The following DNM3 variants were observed in gnomAD, a reference collection of about 807,000 sequenced individuals.
DNM3 encodes the protein dynamin 3.
A neutral mutation model predicts 101.6 loss-of-function variants in DNM3; 47 were observed. The ratio of observed to expected loss-of-function variants is 0.46; its 90% CI spans 0.37 to 0.59. DNM3 has a LOEUF of 0.59. Ranked by LOEUF, DNM3 falls within the 20% of genes least tolerant of loss-of-function variation. The pLI, the probability that DNM3 is intolerant of heterozygous loss-of-function variation, is 0.00. For missense variants in DNM3, 849 were observed against 1,085.7 expected, an observed-to-expected ratio of 0.78 and a Z score of 3.06; for synonymous variants, 385 against 387.9, an observed-to-expected ratio of 0.99 and a Z score of 0.09.
intron 17 of DNM3, among the ~76,000 whole-genome samples, chr1:172,374,660 C>A (rs2068511453): frequency 6.6e-6 from 1 of 151,992 alleles, no homozygotes; most frequent in African/African-American, 2.4e-5. Context: ...CAACTGCATA[C>A]CTATGCTATT....
intron 13 of DNM3, among the ~76,000 whole-genome samples, chr1:172,126,720 T>A (rs1045669679): frequency 2.7e-5 from 4 of 145,584 alleles, no homozygotes; most frequent in Non-Finnish European, 6.0e-5. Context: ...GGTACCTGCT[T>A]TTTTTTTTTG....
chr1:172,249,903 C>T (rs1557880834), intron 14 of DNM3, among the ~76,000 whole-genome samples: 2 of 151,878 alleles, frequency 1.3e-5, no homozygotes, highest in African/African-American at 4.8e-5. Context: ...TAGAGCAAGC[C>T]AGGGAATAAT....
chr1:172,048,397 T>A (rs756020922), intron 9 of DNM3, among the ~76,000 whole-genome samples: 5 of 152,264 alleles, frequency 3.3e-5, no homozygotes, highest in Non-Finnish European at 7.3e-5. Context: ...TTCTTTTTAT[T>A]GCTGCGAAAC....
At chr1:172,073,629 A>T (rs769126064) in intron 11 of DNM3, among the ~76,000 whole-genome samples, 4 of 152,210 alleles carry the variant, frequency 2.6e-5, no homozygotes, top group Non-Finnish European at 5.9e-5. Flanking sequence ...AACTGTTGCC[A>T]TGAGGACTCT....
chr1:172,342,008 A>G (rs922567805), intron 17 of DNM3, among the ~76,000 whole-genome samples: 9 of 152,184 alleles, frequency 5.9e-5, no homozygotes, highest in Non-Finnish European at 1.0e-4. Flanking sequence ...AAAATGTTCA[A>G]CATCACTAAT....
chr1:172,277,474 G>A (rs542456383), intron 15 of DNM3, among the ~76,000 whole-genome samples: 1 of 152,038 alleles, frequency 6.6e-6, no homozygotes, highest in Non-Finnish European at 1.5e-5. Context: ...CAAAGGCAGT[G>A]AGTGTAGGAG....
chr1:172,000,704 T>C (rs1442662077), intron 4 of DNM3, among the ~76,000 whole-genome samples: 2 of 152,038 alleles, frequency 1.3e-5, no homozygotes, highest in African/African-American at 4.8e-5. Context: ...GAACTGACCA[T>C]TGGATCTGGC....
chr1:171,937,382 G>C (rs1437379056), intron 2 of DNM3, among the ~76,000 whole-genome samples: 2 of 151,616 alleles, frequency 1.3e-5, no homozygotes, highest in Non-Finnish European at 2.9e-5. Context: ...CTTCACTGCT[G>C]GTTCCCTATT....
chr1:172,411,061 G>A lies in DNM3; in HGVS notation c.*3220G>A, dbSNP rs955774693. 4.5e-5 allele frequency: 44 copies of A among 985,198 alleles called. No individual in the cohort carries two copies. Among genetic ancestry groups the A allele is most frequent in the Non-Finnish European group, 5.3e-5 (44 of 829,772 alleles). The allele number at this position is 985,198 out of a possible 1,614,324, so 61.0% of individuals were successfully genotyped here. The stretch of plus-strand genomic sequence containing the variant: ...ACTAGTTAAAATGCCACAAGCATGA[G>A]TGTGATTGTATGTGCACTGTGTGTA... On this transcript the variant is annotated 3_prime_UTR_variant, in exon 21 of 21. Transcript: ENST00000627582.
chr1:171,846,180 T>C (rs2032062203), intron 1 of DNM3, among the ~76,000 whole-genome samples: 1 of 152,214 alleles, frequency 6.6e-6, no homozygotes, highest in Admixed American at 6.5e-5. Flanking sequence ...GAACTTGAAA[T>C]CACAAAAATA....
intron 6 of DNM3, among the ~76,000 whole-genome samples, 172 bp downstream of exon 6, chr1:172,033,437 C>A (rs757954903): frequency 2.0e-5 from 3 of 152,040 alleles, no homozygotes; most frequent in Non-Finnish European, 4.4e-5. Flanking sequence ...TATTACCGTT[C>A]TCAGTGAATA....
intron 4 of DNM3, among the ~76,000 whole-genome samples, chr1:172,006,244 T>A (rs1034034103): frequency 2.6e-5 from 4 of 152,194 alleles, no homozygotes; most frequent in African/African-American, 9.6e-5. Flanking sequence ...TTGTGCTTTC[T>A]AGGAGGAACG....
chr1:172,128,119 G>T (rs1306619335), intron 13 of DNM3, among the ~76,000 whole-genome samples: 1 of 152,032 alleles, frequency 6.6e-6, no homozygotes, highest in South Asian at 2.1e-4. Context: ...ACAGACTCTT[G>T]TGACTACCTC....
At chr1:172,295,668 T>A (rs1436171284) in intron 15 of DNM3, among the ~76,000 whole-genome samples, 1 of 152,036 alleles carries the variant, frequency 6.6e-6, no homozygotes, top group East Asian at 1.9e-4. Context: ...AAAGAAACAG[T>A]CAGCATTTAA....
At chr1:172,285,142 C>A (rs1332522830) in intron 15 of DNM3, among the ~76,000 whole-genome samples, 1 of 152,128 alleles carries the variant, frequency 6.6e-6, no homozygotes, top group African/African-American at 2.4e-5. Context: ...ATCACTCATG[C>A]AAAACACAGG....
intron 4 of DNM3, among the ~76,000 whole-genome samples, 186 bp downstream of exon 4, chr1:171,989,334 T>C (rs1571976014): frequency 6.6e-6 from 1 of 151,964 alleles, no homozygotes; most frequent in East Asian, 1.9e-4. Context: ...TAAATAATTT[T>C]AGTAAAGATT....
intron 15 of DNM3, among the ~76,000 whole-genome samples, chr1:172,259,536 T>G (rs2062557481): frequency 6.6e-6 from 1 of 152,138 alleles, no homozygotes; most frequent in South Asian, 2.1e-4. Flanking sequence ...ACTTAAAGTC[T>G]GTTTTATCTG....
intron 12 of DNM3, among the ~76,000 whole-genome samples, chr1:172,090,021 T>G (rs1453354776): frequency 6.6e-6 from 1 of 152,208 alleles, no homozygotes; most frequent in East Asian, 1.9e-4. Context: ...AAGGAGTCAT[T>G]AACGATCTTT....
intron 2 of DNM3, among the ~76,000 whole-genome samples, chr1:171,960,160 A>T (rs1262532833): frequency 1.3e-5 from 2 of 152,276 alleles, no homozygotes; most frequent in Non-Finnish European, 2.9e-5. Flanking sequence ...CACTGAGAGA[A>T]CACAATGTGA....
Sources: gnomAD v4.1 joint callset for allele counts (sites outside exome capture counted in the v4.1 genomes callset) on GRCh38, gnomAD v4.1.1 for gene constraint, MANE v1.5 for transcripts, NCBI Gene and HGNC (gene_info 2026-07-23, HGNC 2026-07-21) for gene names.